Variants in RPRD2 observed in about 807,000 individuals in gnomAD.
RPRD2 encodes the protein regulation of nuclear pre-mRNA domain-containing protein 2.
Under a neutral mutation model 104.4 loss-of-function variants are expected in RPRD2, and 12 were observed. The ratio of observed to expected loss-of-function variants is 0.11; its 90% CI spans 0.07 to 0.19. The LOEUF (loss-of-function observed/expected upper bound fraction) is 0.19. Ranked by LOEUF, RPRD2 falls within the 10% of genes least tolerant of loss-of-function variation. RPRD2 has a pLI of 1.00. For missense variants in RPRD2, 1,543 were observed against 1,790.1 expected (o/e 0.86, Z 2.49); for synonymous variants, 714 against 684.9 (o/e 1.04, Z -0.66).
At chr1:150,407,395 A>G (rs1389914051) in intron 1 of RPRD2, among the ~76,000 whole-genome samples, 3 of 152,240 alleles carry the variant, frequency 2.0e-5, no homozygotes, top group Non-Finnish European at 4.4e-5. Flanking sequence ...TTCAGTTCTT[A>G]AAAAAGAAAT....
chr1:150,368,239 A>G (rs1476238215), intron 1 of RPRD2, among the ~76,000 whole-genome samples: 6 of 144,162 alleles, frequency 4.2e-5, no homozygotes, highest in Admixed American at 2.1e-4. Flanking sequence ...CGGAGTCTTA[A>G]TAGATTTTTT....
At chr1:150,446,856 G>A (rs868923842) in intron 7 of RPRD2, among the ~76,000 whole-genome samples, 3 of 119,860 alleles carry the variant, frequency 2.5e-5, no homozygotes, top group South Asian at 2.4e-4. Flanking sequence ...TTTTTGGAAC[G>A]GAGTTTGTCG....
Position 150,379,141 on chromosome 1 carries a change from G to A in RPRD2, c.205+14222G>A, listed in dbSNP as rs1188944206. On this transcript the variant is annotated intron_variant, in intron 1 of 10. Transcript: ENST00000369068. ...ACTAAAAAAAAACAAAAATTAGACCGTCATGGTGGCGTGCGCCTGTAATCC... is the reference window on the plus strand; with the variant it reads ...ACTAAAAAAAAACAAAAATTAGACCATCATGGTGGCGTGCGCCTGTAATCC... Among the ~76,000 whole-genome samples the A allele has an allele frequency of 3.3e-5, 5 of 151,322 alleles. No homozygotes were observed. The South Asian group carries it at 6.3e-4, about 19-fold the overall frequency.
At chr1:150,381,530 G>T (rs1661128094) in intron 1 of RPRD2, among the ~76,000 whole-genome samples, 1 of 149,542 alleles carries the variant, frequency 6.7e-6, no homozygotes, top group African/African-American at 2.5e-5. Context: ...TTTGAGACAG[G>T]GTCTTGCTCT....
intron 1 of RPRD2, among the ~76,000 whole-genome samples, chr1:150,398,126 C>A (rs1553884577): frequency 2.1e-5 from 3 of 146,310 alleles, no homozygotes; most frequent in African/African-American, 7.6e-5. Flanking sequence ...CCACCCCCAC[C>A]CCGCAGTAGC....
intron 1 of RPRD2, among the ~76,000 whole-genome samples, chr1:150,378,765 A>G (rs1429585980): frequency 1.3e-5 from 2 of 151,910 alleles, no homozygotes; most frequent in Non-Finnish European, 2.9e-5. Flanking sequence ...GGTGGATCAC[A>G]TGAGGTCAGG....
At chr1:150,441,832 A>G (rs781924369) in intron 3 of RPRD2, 49 bp from the exon 4 acceptor site, 1 of 1,402,854 alleles carries the variant, frequency 7.1e-7, no homozygotes, top group Non-Finnish European at 1.0e-6. Context: ...GTGGACAGAC[A>G]GAACAGCTTC....
rs587612855 is a variant in RPRD2 at position 150,398,443 on chromosome 1, A to G, written c.206-19153A>G. 5.6e-4 allele frequency among the ~76,000 whole-genome samples: 85 copies of G among 151,732 alleles called. 1 individual carries two copies. The South Asian group carries it at 7.9e-3, about 14-fold the overall frequency. On this transcript the variant is annotated intron_variant, in intron 1 of 10. Coordinates refer to ENST00000369068, the MANE Select transcript of RPRD2 (RefSeq NM_015203.5). Reference sequence around the variant, plus strand: ...GATCTCCTGACCTCGTGATCTGCCCACCTTGGCCTCCCAAAGTGCTGGGAT... The same window carrying G: ...GATCTCCTGACCTCGTGATCTGCCCGCCTTGGCCTCCCAAAGTGCTGGGAT...
intron 2 of RPRD2, among the ~76,000 whole-genome samples, chr1:150,421,957 C>T (rs1664782896): frequency 6.6e-6 from 1 of 152,058 alleles, no homozygotes; most frequent in Non-Finnish European, 1.5e-5. Flanking sequence ...ACACTCCAGC[C>T]TGGGTGACAG....
chr1:150,450,605 CAAAAAAAAAAAAAA>C lies in RPRD2; in HGVS notation c.870+4213_870+4226del, dbSNP rs1186175962. On this transcript the variant is annotated intron_variant, in intron 7 of 10. Coordinates refer to ENST00000369068, the MANE Select transcript of RPRD2 (RefSeq NM_015203.5). ...TGGGCGACAGAGCAAGACTCCGTCT[CAAAAAAAAAAAAAA>C]AAAAAAAAGTTATTTATTTAGAGAC... 1.4e-3 allele frequency among the ~76,000 whole-genome samples: 70 copies of C among 50,562 alleles called. 1 individual carries two copies. Among genetic ancestry groups the C allele is most frequent in the South Asian group, 0.011 (12 of 1,074 alleles). 33.2% of individuals were successfully genotyped at this position (50,562 alleles called of 152,430 possible). A position where few individuals can be genotyped will look rare whatever the true frequency, so the allele number is the denominator to read the frequency against.
chr1:150,378,738 C>T (rs924613718), intron 1 of RPRD2, among the ~76,000 whole-genome samples: 7 of 151,792 alleles, frequency 4.6e-5, no homozygotes, highest in African/African-American at 9.7e-5. Context: ...ATCCCAGCAA[C>T]TTGAGAGGCC....
chr1:150,404,149 TTA>T (rs1329670307), intron 1 of RPRD2, among the ~76,000 whole-genome samples: 1 of 152,190 alleles, frequency 6.6e-6, no homozygotes, highest in Non-Finnish European at 1.5e-5. Context: ...ACTTGTGTGA[TTA>T]TGTGTTTGTG....
intron 1 of RPRD2, among the ~76,000 whole-genome samples, chr1:150,402,501 G>A (rs1458727534): frequency 6.6e-6 from 1 of 151,620 alleles, no homozygotes; most frequent in Non-Finnish European, 1.5e-5. Flanking sequence ...AACATAGTGA[G>A]ACCTTCTCTC....
intron 2 of RPRD2, among the ~76,000 whole-genome samples, chr1:150,438,697 G>A (rs906034416): frequency 2.6e-5 from 4 of 152,134 alleles, no homozygotes; most frequent in Admixed American, 6.5e-5. Context: ...ATCCTAGAGT[G>A]TACTTAAATA....
rs782099913 is a variant in RPRD2, at chr1:150,364,775, G to C, written c.61G>C (p.Gly21Arg). 5.6e-6 allele frequency: 9 copies of C among 1,610,930 alleles called. No homozygotes were observed. The African/African-American group carries it at 1.2e-4, about 22-fold the overall frequency. ...CTCCTCCTCGTCGGCCTCTTCGGCA[G>C]GGGCTCTGGAGTCCTCGTTGGATCG... ...KASSSSASSAGALESSLDRKF... is the reference protein window; with the variant it reads ...KASSSSASSARALESSLDRKF... The change falls in exon 1 of 11, where the codon GGG becomes CGG. Residue 21 changes from glycine to arginine, a missense_variant. Physicochemically the swap from Gly to Arg is moderately radical, Grantham distance 125. Around this residue, in one of 4 missense-constraint regions of RPRD2, gnomAD observed 88 missense variants for 96.6 expected, o/e 0.91. Coordinates refer to ENST00000369068, the MANE Select transcript of RPRD2 (RefSeq NM_015203.5).
In RPRD2 at chr1:150,470,425, C is replaced by T. The variant is rs1048793050; in HGVS notation, c.1613-136C>T. The T allele has an allele frequency of 7.4e-6, 6 of 811,366 alleles. No homozygotes were observed. In the African/African-American group the frequency reaches 1.0e-4, roughly 14 times the overall value. 50.3% of individuals were successfully genotyped at this position (811,366 alleles called of 1,614,324 possible). A position where few individuals can be genotyped will look rare whatever the true frequency, so the allele number is the denominator to read the frequency against. ...GACATTTAGCCATTGCTTGTTTGGT[C>T]TGGATTCCTTTTGGCCTTACACTTT... On this transcript the variant is annotated intron_variant, in intron 10 of 10. Transcript: ENST00000369068.
intron 1 of RPRD2, among the ~76,000 whole-genome samples, chr1:150,393,736 A>T (rs11584488): frequency 0.22 from 33,771 of 151,986 alleles, 4,282 homozygotes; most frequent in African/African-American, 0.32. Context: ...CTTGCCAAAA[A>T]TGTTTAACCT....
chr1:150,470,242 TCCTGCTTTGCCTAAC>T (rs1668507868), intron 10 of RPRD2, among the ~76,000 whole-genome samples: 1 of 152,150 alleles, frequency 6.6e-6, no homozygotes, highest in South Asian at 2.1e-4. Context: ...TCCTTTCTTT[TCCTGCTTTGCCTAAC>T]TTAAACTATG....
chr1:150,390,873 A>T (rs1256715585), intron 1 of RPRD2, among the ~76,000 whole-genome samples: 2 of 152,198 alleles, frequency 1.3e-5, no homozygotes, highest in African/African-American at 4.8e-5. Context: ...GGAATAATTG[A>T]TGAAATATGT....
Sources: allele counts gnomAD v4.1 joint callset (sites outside exome capture counted in the v4.1 genomes callset), GRCh38; gene constraint gnomAD v4.1.1; regional missense constraint gnomAD v4.1.1; transcripts MANE v1.5; gene names NCBI Gene and HGNC (gene_info 2026-07-23, HGNC 2026-07-21).